RBFOX1: variants seen among roughly 807,000 people sequenced by gnomAD.
RBFOX1 encodes the protein RNA binding fox-1 homolog 1, also known as RNA binding protein fox-1 homolog 1.
RBFOX1 carries 8 observed loss-of-function variants against 57.7 expected under a neutral mutation model. The ratio of observed to expected loss-of-function variants is 0.14; its 90% CI spans 0.08 to 0.25. RBFOX1 has a LOEUF of 0.25. RBFOX1 is among the 10% of genes least tolerant of loss of function. RBFOX1 has a pLI of 1.00. For missense variants in RBFOX1, 611 were observed against 548.5 expected, an observed-to-expected ratio of 1.11 and a Z score of -1.14; for synonymous variants, 326 against 222.4, an observed-to-expected ratio of 1.47 and a Z score of -4.15.
intron 1 of RBFOX1, among the ~76,000 whole-genome samples, chr16:6,112,976 A>C (rs2096462229): frequency 6.6e-6 from 1 of 152,208 alleles, no homozygotes; most frequent in East Asian, 1.9e-4. Context: ...AGGAAGCACC[A>C]TTGAAGCCAA....
chr16:7,696,415 C>T (rs76243599), intron 14 of RBFOX1, among the ~76,000 whole-genome samples: 2,819 of 151,934 alleles, frequency 0.019, 107 homozygotes, highest in African/African-American at 0.064. Context: ...CCTTCTTAGA[C>T]GGGAGGTCTC....
At chr16:6,478,864 C>T (rs1322007116) in intron 2 of RBFOX1, among the ~76,000 whole-genome samples, 5 of 152,054 alleles carry the variant, frequency 3.3e-5, no homozygotes, top group Non-Finnish European at 7.4e-5. Context: ...TCAAACATTG[C>T]TCATCACAGA....
At chr16:6,740,874 C>G (rs543614607) in intron 3 of RBFOX1, among the ~76,000 whole-genome samples, 7 of 152,206 alleles carry the variant, frequency 4.6e-5, no homozygotes, top group Non-Finnish European at 2.9e-5. Context: ...AAGATTATCT[C>G]AAAATTTGAA....
chr16:7,240,152 C>G (rs928871472), intron 4 of RBFOX1, among the ~76,000 whole-genome samples: 1 of 151,814 alleles, frequency 6.6e-6, no homozygotes, highest in Non-Finnish European at 1.5e-5. Flanking sequence ...TTTTCAGTAG[C>G]GAAAGGGTTT....
intron 1 of RBFOX1, among the ~76,000 whole-genome samples, chr16:6,091,772 A>C (rs144657953): frequency 6.6e-6 from 1 of 152,182 alleles, no homozygotes; most frequent in African/African-American, 2.4e-5. Flanking sequence ...TGGAGGTTGC[A>C]GAGAGCCAAG....
chr16:6,871,252 C>G (rs566125406), intron 3 of RBFOX1, among the ~76,000 whole-genome samples: 84 of 152,286 alleles, frequency 5.5e-4, no homozygotes, highest in African/African-American at 1.5e-3. Context: ...TTGGCATGAT[C>G]TCGGCTCACT....
At chr16:7,314,886 C>T (rs758576535) in intron 4 of RBFOX1, among the ~76,000 whole-genome samples, 2 of 152,106 alleles carry the variant, frequency 1.3e-5, no homozygotes, top group Admixed American at 6.5e-5. Flanking sequence ...AATGCAGCTT[C>T]GTTTTGAATG....
chr16:6,199,924 A>T (rs143294933), intron 1 of RBFOX1, among the ~76,000 whole-genome samples: 296 of 152,314 alleles, frequency 1.9e-3, no homozygotes, highest in African/African-American at 6.8e-3. Context: ...GCGAACACTC[A>T]TGAGCACAGC....
chr16:6,996,639 C>A (rs909325274), intron 3 of RBFOX1, among the ~76,000 whole-genome samples: 2 of 152,154 alleles, frequency 1.3e-5, no homozygotes, highest in Non-Finnish European at 2.9e-5. Context: ...CAGTGACGCA[C>A]AAAGAAGCTA....
intron 4 of RBFOX1, among the ~76,000 whole-genome samples, chr16:7,234,805 C>G (rs1231610079): frequency 6.6e-6 from 1 of 151,774 alleles, no homozygotes; most frequent in Admixed American, 6.6e-5. Flanking sequence ...TTTCAATTTC[C>G]AAAAATATGC....
chr16:7,595,752 C>A, intron 8 of RBFOX1, 111 bp downstream of exon 8: 1 of 524,278 alleles, frequency 1.9e-6, no homozygotes, highest in Non-Finnish European at 2.8e-6. Flanking sequence ...TATTCCCCCT[C>A]ATTGTTTATA....
At chr16:5,414,147 A>G (rs948001674) in intron 1 of RBFOX1, among the ~76,000 whole-genome samples, 14 of 152,184 alleles carry the variant, frequency 9.2e-5, no homozygotes, top group African/African-American at 3.1e-4. Context: ...CCGTGGTTCT[A>G]ACAATCATTG....
chr16:6,820,522 G>A (rs1417936925), intron 3 of RBFOX1, among the ~76,000 whole-genome samples: 3 of 152,200 alleles, frequency 2.0e-5, no homozygotes, highest in Non-Finnish European at 4.4e-5. Flanking sequence ...AACTGGGTAT[G>A]GTGGCGTGCA....
chr16:7,014,844 C>T (rs964882795), intron 3 of RBFOX1, among the ~76,000 whole-genome samples: 1 of 152,090 alleles, frequency 6.6e-6, no homozygotes, highest in Non-Finnish European at 1.5e-5. Context: ...CCTGCATTAG[C>T]CTCCTGAGTA....
intron 3 of RBFOX1, among the ~76,000 whole-genome samples, chr16:6,898,128 A>C (rs189074801): frequency 6.6e-6 from 1 of 152,172 alleles, no homozygotes; most frequent in Non-Finnish European, 1.5e-5. Flanking sequence ...TTCAGGACCA[A>C]TCTCTATTTT....
chr16:6,054,990 G>T (rs1317560760), intron 1 of RBFOX1, among the ~76,000 whole-genome samples: 1 of 151,970 alleles, frequency 6.6e-6, no homozygotes, highest in African/African-American at 2.4e-5. Context: ...CACCATGTTG[G>T]CCAGGATTGT....
At chr16:5,931,520 C>T (rs1448878320) in intron 4 of RBFOX1, among the ~76,000 whole-genome samples, 3 of 152,140 alleles carry the variant, frequency 2.0e-5, no homozygotes, top group Non-Finnish European at 2.9e-5. Flanking sequence ...CACCGTAGCC[C>T]TGCATGCTCA....
chr16:5,638,882 T>A (rs754078269), intron 3 of RBFOX1, among the ~76,000 whole-genome samples: 1 of 152,176 alleles, frequency 6.6e-6, no homozygotes, highest in Non-Finnish European at 1.5e-5. Flanking sequence ...GTGATAGCCT[T>A]CTTCTGAGCA....
chr16:5,571,025 A>G (rs2046264164), intron 2 of RBFOX1, among the ~76,000 whole-genome samples: 1 of 151,852 alleles, frequency 6.6e-6, no homozygotes, highest in Admixed American at 6.6e-5. Context: ...CATATACACA[A>G]TCTCTTGGAT....
Sources: allele counts gnomAD v4.1 joint callset (sites outside exome capture counted in the v4.1 genomes callset), GRCh38; gene constraint gnomAD v4.1.1; transcripts MANE v1.5; gene names NCBI Gene and HGNC (gene_info 2026-07-23, HGNC 2026-07-21).